Variants in PTPRD observed in about 807,000 individuals in gnomAD.
PTPRD encodes the protein receptor-type tyrosine-protein phosphatase delta.
A neutral mutation model predicts 214.5 loss-of-function variants in PTPRD; 34 were observed. The ratio of observed to expected loss-of-function variants is 0.16; its 90% CI spans 0.12 to 0.21. The LOEUF (loss-of-function observed/expected upper bound fraction) is 0.21, where lower values mean the gene tolerates loss of function less well. Ranked by LOEUF, PTPRD falls within the 10% of genes least tolerant of loss-of-function variation. The pLI, the probability that PTPRD is intolerant of heterozygous loss-of-function variation, is 1.00. For missense variants in PTPRD, 2,545 were observed against 2,398.7 expected (o/e 1.06, Z -1.27); for synonymous variants, 1,128 against 845.7 (o/e 1.33, Z -5.79).
At chr9:9,030,438 G>A (rs1234488832) in intron 10 of PTPRD, among the ~76,000 whole-genome samples, 1 of 151,602 alleles carries the variant, frequency 6.6e-6, no homozygotes, top group African/African-American at 2.4e-5. Context: ...ACTTACCACA[G>A]ACAGACTGAT....
At chr9:9,318,912 T>C (rs555425330) in intron 9 of PTPRD, among the ~76,000 whole-genome samples, 166 of 152,304 alleles carry the variant, frequency 1.1e-3, no homozygotes, top group South Asian at 4.3e-3. Flanking sequence ...TGCATTGATT[T>C]ATGCCAGCTC....
intron 6 of PTPRD, among the ~76,000 whole-genome samples, chr9:9,741,100 A>G (rs1328471568): frequency 2.0e-5 from 3 of 152,218 alleles, no homozygotes; most frequent in Non-Finnish European, 4.4e-5. Flanking sequence ...ACTAAAACAA[A>G]CCAATATGAG....
chr9:9,080,941 A>G (rs565644264), intron 10 of PTPRD, among the ~76,000 whole-genome samples: 1 of 152,092 alleles, frequency 6.6e-6, no homozygotes, highest in African/African-American at 2.4e-5. Flanking sequence ...TTTCAAAAAA[A>G]CAGCTCCTGG....
intron 39 of PTPRD, among the ~76,000 whole-genome samples, chr9:8,371,395 C>G (rs2081464236): frequency 6.6e-6 from 1 of 151,992 alleles, no homozygotes; most frequent in Non-Finnish European, 1.5e-5. Context: ...TAAAAATGTA[C>G]ATAAGCCATG....
At chr9:8,429,771 G>A (rs2094924095) in intron 35 of PTPRD, among the ~76,000 whole-genome samples, 1 of 152,166 alleles carries the variant, frequency 6.6e-6, no homozygotes, top group Non-Finnish European at 1.5e-5. Context: ...CAGCAAATGT[G>A]TTGGGACTGG....
chr9:9,895,121 G>GT (rs1355522660), intron 5 of PTPRD, among the ~76,000 whole-genome samples: 1 of 152,026 alleles, frequency 6.6e-6, no homozygotes, highest in Non-Finnish European at 1.5e-5. Context: ...TTGGCTGGTT[G>GT]TAAGACTATA....
At chr9:9,546,535 T>C (rs2078850269) in intron 8 of PTPRD, among the ~76,000 whole-genome samples, 1 of 151,820 alleles carries the variant, frequency 6.6e-6, no homozygotes, top group Non-Finnish European at 1.5e-5. Context: ...TAATTTTCAG[T>C]TTTGTTTACC....
At chr9:8,506,335 G>A (rs2097542471) in intron 22 of PTPRD, among the ~76,000 whole-genome samples, 2 of 151,890 alleles carry the variant, frequency 1.3e-5, no homozygotes, top group African/African-American at 4.8e-5. Flanking sequence ...AACTCCTTTT[G>A]TCCTAATGTT....
intron 5 of PTPRD, among the ~76,000 whole-genome samples, chr9:9,858,036 C>G (rs2061901760): frequency 6.6e-6 from 1 of 152,142 alleles, no homozygotes; most frequent in South Asian, 2.1e-4. Context: ...AGATTCACTC[C>G]TTAACACCAA....
At chr9:9,339,987 T>C (rs1339964728) in intron 9 of PTPRD, among the ~76,000 whole-genome samples, 1 of 152,158 alleles carries the variant, frequency 6.6e-6, no homozygotes, top group East Asian at 1.9e-4. Context: ...TTTAATTGGG[T>C]AGGCTGTATG....
chr9:9,062,569 TATC>T (rs377254707), intron 10 of PTPRD, among the ~76,000 whole-genome samples: 9,147 of 151,332 alleles, frequency 0.06, 297 homozygotes, highest in Middle Eastern at 0.13. Context: ...TCTATCTATC[TATC>T]TATCTATCTA....
chr9:8,877,993 G>C (rs2098408833), intron 11 of PTPRD, among the ~76,000 whole-genome samples: 1 of 152,120 alleles, frequency 6.6e-6, no homozygotes, highest in Non-Finnish European at 1.5e-5. Flanking sequence ...CTTGGCTGTT[G>C]ACAATCCTAG....
chr9:10,508,237 C>T (rs978554177), intron 2 of PTPRD, among the ~76,000 whole-genome samples: 1 of 152,036 alleles, frequency 6.6e-6, no homozygotes, highest in Admixed American at 6.6e-5. Flanking sequence ...AAATCAAAAC[C>T]ACTATGAGAT....
intron 7 of PTPRD, among the ~76,000 whole-genome samples, chr9:9,617,689 G>A (rs149142964): frequency 2.0e-5 from 3 of 152,130 alleles, no homozygotes; most frequent in Non-Finnish European, 4.4e-5. Flanking sequence ...GTGGGGTGAA[G>A]TAGGGCCAGT....
chr9:8,767,668 T>C (rs562961118), intron 11 of PTPRD, among the ~76,000 whole-genome samples: 2 of 152,288 alleles, frequency 1.3e-5, no homozygotes, highest in African/African-American at 2.4e-5. Flanking sequence ...GACCATACAA[T>C]AGAATTATCA....
chr9:10,182,506 G>T (rs1342611938), intron 3 of PTPRD, among the ~76,000 whole-genome samples: 1 of 151,786 alleles, frequency 6.6e-6, no homozygotes, highest in East Asian at 1.9e-4. Flanking sequence ...CAGATGCAGA[G>T]CTCTTACTAT....
chr9:10,136,135 G>T (rs924779692), intron 3 of PTPRD, among the ~76,000 whole-genome samples: 24 of 151,574 alleles, frequency 1.6e-4, no homozygotes, highest in African/African-American at 5.8e-4. Flanking sequence ...AAAAAGGACA[G>T]AGCAAGACAT....
At chr9:9,476,029 T>A (rs1271796615) in intron 8 of PTPRD, among the ~76,000 whole-genome samples, 2 of 152,180 alleles carry the variant, frequency 1.3e-5, no homozygotes, top group Non-Finnish European at 2.9e-5. Context: ...ACATTATATC[T>A]ACTGATATAT....
chr9:9,139,274 G>C (rs188394569), intron 10 of PTPRD, among the ~76,000 whole-genome samples: 2 of 152,124 alleles, frequency 1.3e-5, no homozygotes, highest in Non-Finnish European at 1.5e-5. Context: ...ACATACAGCA[G>C]GTCCTCAAAT....
Sources: gnomAD v4.1 joint callset for allele counts (sites outside exome capture counted in the v4.1 genomes callset) on GRCh38, gnomAD v4.1.1 for gene constraint, MANE v1.5 for transcripts, NCBI Gene and HGNC (gene_info 2026-07-23, HGNC 2026-07-21) for gene names.